Variants in KAT6B observed in about 807,000 individuals in gnomAD.
KAT6B encodes the protein lysine acetyltransferase 6B, also known as histone acetyltransferase KAT6B.
In KAT6B, 10 loss-of-function variants were observed where a neutral mutation model predicts 187.5. The ratio of observed to expected loss-of-function variants is 0.05; its 90% CI spans 0.03 to 0.09. The LOEUF is 0.09. Ranked by LOEUF, KAT6B falls within the 10% of genes least tolerant of loss-of-function variation. The probability of loss-of-function intolerance (pLI) is 1.00; values close to 1 mark genes in which losing one functional copy is unlikely to be tolerated. For synonymous variants in KAT6B, 861 were observed against 926.8 expected, an observed-to-expected ratio of 0.93 and a Z score of 1.29; for missense variants, 1,952 against 2,558.9, an observed-to-expected ratio of 0.76 and a Z score of 5.12.
upstream of KAT6B, among the ~76,000 whole-genome samples, chr10:74,826,399 A>T (rs1048103616): frequency 7.2e-5 from 11 of 151,804 alleles, no homozygotes; most frequent in Non-Finnish European, 1.2e-4. Flanking sequence ...GGGGGGGATG[A>T]TGGGTCGAGG....
intron 13 of KAT6B, among the ~76,000 whole-genome samples, chr10:75,001,788 G>A (rs1843850044): frequency 6.6e-6 from 1 of 152,154 alleles, no homozygotes; most frequent in African/African-American, 2.4e-5. Flanking sequence ...TATCTCCTCT[G>A]GAAAACAGGA....
intron 3 of KAT6B, among the ~76,000 whole-genome samples, chr10:74,939,389 C>G (rs999937660): frequency 6.6e-6 from 1 of 151,914 alleles, no homozygotes; most frequent in Admixed American, 6.6e-5. Flanking sequence ...ACCTTGGAGT[C>G]TGTTTTTTTG....
chr10:75,031,492 C>G lies in KAT6B; in HGVS notation c.*446C>G, dbSNP rs1241761020. The G allele has an allele frequency of 6.5e-6, 2 of 307,682 alleles. No individual in the cohort carries two copies. The highest frequency in any genetic ancestry group is 1.2e-5 in the Non-Finnish European group (2 of 164,670). The allele number at this position is 307,682 out of a possible 1,614,324, so 19.1% of individuals were successfully genotyped here. A position where few individuals can be genotyped will look rare whatever the true frequency, so the allele number is the denominator to read the frequency against. On this transcript the variant is annotated 3_prime_UTR_variant, in exon 18 of 18. Coordinates refer to ENST00000287239, the MANE Select transcript of KAT6B (RefSeq NM_012330.4). ...GTATATTTTGTTTAAGGTGACACTT[C>G]AGCATGCCGCTAATGTCTTTGTTAG...
intron 13 of KAT6B, among the ~76,000 whole-genome samples, chr10:75,017,172 GT>G (rs1382627669): frequency 6.6e-6 from 1 of 151,812 alleles, no homozygotes; most frequent in East Asian, 1.9e-4. Flanking sequence ...CAAGATAAGT[GT>G]TTTTTATTTC....
intron 12 of KAT6B, among the ~76,000 whole-genome samples, chr10:74,988,001 A>G (rs1842922461): frequency 6.6e-6 from 1 of 152,234 alleles, no homozygotes; most frequent in African/African-American, 2.4e-5. Context: ...ACAACTACAA[A>G]TGTGCAAAAG....
intron 3 of KAT6B, among the ~76,000 whole-genome samples, chr10:74,890,379 T>C (rs1845564119): frequency 6.6e-6 from 1 of 152,106 alleles, no homozygotes; most frequent in Admixed American, 6.6e-5. Flanking sequence ...TGGCTCACAC[T>C]TGTAATCCCA....
At chr10:74,955,390 C>CA (rs1039844498) in intron 3 of KAT6B, among the ~76,000 whole-genome samples, 1 of 145,326 alleles carries the variant, frequency 6.9e-6, no homozygotes, top group Non-Finnish European at 1.5e-5. Flanking sequence ...TTATCCCCCC[C>CA]CCCCCAACTT....
chr10:74,852,923 A>G (rs1052750693), intron 3 of KAT6B, among the ~76,000 whole-genome samples: 10 of 152,148 alleles, frequency 6.6e-5, no homozygotes, highest in Admixed American at 6.5e-4. Flanking sequence ...TATATTCTGT[A>G]GCTTTGAAGT....
chr10:75,005,214 G>T (rs1216560522), intron 13 of KAT6B, among the ~76,000 whole-genome samples: 4 of 148,830 alleles, frequency 2.7e-5, no homozygotes, highest in South Asian at 4.2e-4. Context: ...TCGTTTTTTT[G>T]TTCTTTTTTT....
chr10:74,985,299 C>G, intron 12 of KAT6B, 58 bp downstream of exon 12: 1 of 1,536,400 alleles, frequency 6.5e-7, no homozygotes, highest in Non-Finnish European at 9.0e-7. Context: ...TTGGTAGAGC[C>G]CAATTCTTTG....
At chr10:74,943,464 A>G (rs1849843698) in intron 3 of KAT6B, among the ~76,000 whole-genome samples, 1 of 152,238 alleles carries the variant, frequency 6.6e-6, no homozygotes, top group Non-Finnish European at 1.5e-5. Flanking sequence ...TGGGACGTTG[A>G]TGAACAAATT....
intron 3 of KAT6B, among the ~76,000 whole-genome samples, chr10:74,898,920 G>C (rs1425550224): frequency 1.3e-5 from 2 of 151,326 alleles, no homozygotes; most frequent in Non-Finnish European, 2.9e-5. Flanking sequence ...GGAGGCTGAG[G>C]TGGGTGGATC....
intron 3 of KAT6B, among the ~76,000 whole-genome samples, chr10:74,932,372 A>G (rs1306748343): frequency 6.6e-6 from 1 of 152,206 alleles, no homozygotes; most frequent in Non-Finnish European, 1.5e-5. Flanking sequence ...CTTGGCCAAG[A>G]TCACACGACC....
intron 3 of KAT6B, among the ~76,000 whole-genome samples, chr10:74,856,914 A>G (rs928726313): frequency 2.6e-5 from 4 of 152,166 alleles, no homozygotes; most frequent in Admixed American, 6.6e-5. Flanking sequence ...AAGAAAAAAG[A>G]AAAGAAAAAA....
chr10:74,907,946 C>T (rs1365067083), intron 3 of KAT6B, among the ~76,000 whole-genome samples: 1 of 151,960 alleles, frequency 6.6e-6, no homozygotes, highest in Non-Finnish European at 1.5e-5. Flanking sequence ...AAATGTAATC[C>T]CCAATGTGGC....
intron 13 of KAT6B, among the ~76,000 whole-genome samples, chr10:75,012,424 G>C (rs1158971061): frequency 1.3e-5 from 2 of 152,150 alleles, no homozygotes; most frequent in Non-Finnish European, 2.9e-5. Context: ...TCCAGCCTGG[G>C]TGATAGAGTG....
At chr10:74,827,711 G>A (rs1386786040) in intron 1 of KAT6B, among the ~76,000 whole-genome samples, 1 of 152,142 alleles carries the variant, frequency 6.6e-6, no homozygotes, top group African/African-American at 2.4e-5. Context: ...GAAGAAAGTG[G>A]GTGGAGCTGT....
rs1564515978 is a variant in KAT6B at position 74,843,228 on chromosome 10, C to T, written c.371C>T (p.Ser124Phe). ...GAAGGACTTGAGGAGCCGAATGGCT[C>T]CTCCCTGAAGAACATAGAGAAGTAT... ...AIEGLEEPNG[S>F]SLKNIEKYLR... The change falls in exon 3 of 18, where the codon TCC (serine) becomes TTC (phenylalanine). Residue 124 changes from serine to phenylalanine, a missense_variant. This residue lies in a region of KAT6B where 218 missense variants were observed against 282.6 expected (regional missense o/e 0.77). Coordinates refer to ENST00000287239, the MANE Select transcript of KAT6B (RefSeq NM_012330.4). The T allele has an allele frequency of 6.2e-7, 1 of 1,614,192 alleles. No individual in the cohort carries two copies. The highest frequency in any genetic ancestry group is 8.5e-7 in the Non-Finnish European group (1 of 1,180,038).
rs1406431673 is a variant in KAT6B, at chr10:75,031,239, TTTTC to T, written c.*197_*200del. On this transcript the variant is annotated 3_prime_UTR_variant, in exon 18 of 18. Transcript: ENST00000287239. ...TACAAGTTGTTTTTCTTTTTTTCCT[TTTTC>T]TTTTTTTTGGTACCTTCATTTCTGT... The T allele has an allele frequency of 4.6e-6, 3 of 646,508 alleles. No homozygotes were observed. Among genetic ancestry groups the T allele is most frequent in the Non-Finnish European group, 7.8e-6 (3 of 384,326 alleles). 40.0% of individuals were successfully genotyped at this position (646,508 alleles called of 1,614,324 possible).
Sources: gnomAD v4.1 joint callset for allele counts (sites outside exome capture counted in the v4.1 genomes callset) on GRCh38, gnomAD v4.1.1 for gene constraint, gnomAD v4.1.1 regional missense constraint, MANE v1.5 for transcripts, NCBI Gene and HGNC (gene_info 2026-07-23, HGNC 2026-07-21) for gene names.